GET1: variants seen among roughly 807,000 people sequenced by gnomAD.
GET1 encodes the protein guided entry of tail-anchored proteins factor 1, also known as congenital heart disease 5 protein.
GET1 carries 20 observed loss-of-function variants against 22.6 expected under a neutral mutation model. The observed-to-expected ratio is 0.89, with a 90% CI of 0.62 to 1.29. The LOEUF (loss-of-function observed/expected upper bound fraction) is 1.29, where lower values mean the gene tolerates loss of function less well. Ranked by LOEUF, GET1 falls within the 50% of genes most tolerant of loss-of-function variation. GET1 has a pLI of 0.00. For missense variants in GET1, 209 were observed against 219.9 expected (o/e 0.95, Z 0.31); for synonymous variants, 92 against 83.8 (o/e 1.10, Z -0.53).
rs369920213 is a variant in GET1 at position 39,380,421 on chromosome 21, C to G, written c.37C>G (p.Leu13Val). The change falls in exon 1 of 5, where the codon CTG (leucine) becomes GTG (valine). Residue 13 changes from leucine (L) to valine (V), a missense_variant. Physicochemically the swap from Leu to Val is conservative, Grantham distance 32. Transcript: ENST00000649170. ...CGCGGCCGACCACTGGGCGTGGTTG[C>G]TGGTGCTCAGCTTCGTGTTTGGATG... ...SAAADHWAWL[L>V]VLSFVFGCNV... 2.3e-5 allele frequency: 37 copies of G among 1,612,542 alleles called. No homozygotes were observed. Among genetic ancestry groups the G allele is most frequent in the Non-Finnish European group, 3.1e-5 (37 of 1,179,378 alleles).
At chr21:39,421,147 G>T (rs1284745199) in intron 1 of GET1, among the ~76,000 whole-genome samples, 1 of 148,686 alleles carries the variant, frequency 6.7e-6, no homozygotes, top group Non-Finnish European at 1.5e-5. Flanking sequence ...CTGTTGCCCA[G>T]GCTGGAATGC....
In GET1 at chr21:39,390,868, T is replaced by C. The variant is rs749350264; in HGVS notation, c.268+5T>C. 2 of 1,613,958 alleles carry C rather than the reference T, an allele frequency of 1.2e-6. No individual in the cohort carries two copies. The highest frequency in any genetic ancestry group is 1.7e-6 in the Non-Finnish European group (2 of 1,179,908). ...CGGATAAGCTCAAAACCCATGGTACTGTGTCCCTTGCAGCCTGGAGGCTTC... is the reference window on the plus strand; with the variant it reads ...CGGATAAGCTCAAAACCCATGGTACCGTGTCCCTTGCAGCCTGGAGGCTTC... On this transcript the variant is annotated splice_donor_5th_base_variant and intron_variant, in intron 2 of 4. Coordinates refer to ENST00000649170, the MANE Select transcript of GET1 (RefSeq NM_004627.6).
At chr21:39,427,738 G>A (rs1036137108) in intron 1 of GET1, 4 of 152,572 alleles carry the variant, frequency 2.6e-5, no homozygotes, top group Non-Finnish European at 2.9e-5. Context: ...TCAAAAGATG[G>A]TGTTTGCCAA....
chr21:39,410,113 C>T, downstream of GET1: 1 of 1,533,488 alleles, frequency 6.5e-7, no homozygotes, highest in East Asian at 2.3e-5. Context: ...TTTAGAAAAG[C>T]AGCAAAAACA....
At chr21:39,406,614 T>C (rs1261782060) in exon 5 of GET1, 5 of 1,560,438 alleles carry the variant, frequency 3.2e-6, no homozygotes, top group Non-Finnish European at 4.3e-6. Flanking sequence ...CTGATAAATC[T>C]ATATTAGAAA....
chr21:39,406,321 G>A, exon 5 of GET1: 1 of 1,614,186 alleles, frequency 6.2e-7, no homozygotes, highest in Non-Finnish European at 8.5e-7. Context: ...TTCTGTGAAT[G>A]AGTAATGTCT....
rs1057484138 is a variant in GET1, at chr21:39,397,218, A to G, written c.*279A>G. The G allele has an allele frequency of 8.8e-5, 31 of 353,360 alleles. No homozygotes were observed. The highest frequency in any genetic ancestry group is 6.3e-4 in the African/African-American group (30 of 47,248). 21.9% of individuals were successfully genotyped at this position (353,360 alleles called of 1,614,324 possible). A position where few individuals can be genotyped will look rare whatever the true frequency, so the allele number is the denominator to read the frequency against. On this transcript the variant is annotated 3_prime_UTR_variant, in exon 5 of 5. Transcript: ENST00000649170. ...ATGTGAAATGTTTAGGGACATCTCCATGCTGTCACTTGTGATTTGCCCTCT... is the reference window on the plus strand; with the variant it reads ...ATGTGAAATGTTTAGGGACATCTCCGTGCTGTCACTTGTGATTTGCCCTCT...
chr21:39,398,474 C>T (rs1471131221), downstream of GET1, among the ~76,000 whole-genome samples: 2 of 152,188 alleles, frequency 1.3e-5, no homozygotes, highest in African/African-American at 4.8e-5. Context: ...TGACAAATCT[C>T]ACTGAGGCTA....
chr21:39,405,274 G>A (rs1283854295), intron 4 of GET1, among the ~76,000 whole-genome samples: 1 of 152,114 alleles, frequency 6.6e-6, no homozygotes, highest in Non-Finnish European at 1.5e-5. Flanking sequence ...CATGCTCACT[G>A]AAGCCTCGAC....
intron 1 of GET1, among the ~76,000 whole-genome samples, chr21:39,417,173 C>T (rs1194748684): frequency 2.6e-5 from 4 of 152,164 alleles, no homozygotes; most frequent in African/African-American, 4.8e-5. Context: ...GCTGGGATTA[C>T]AGGCGCGCAC....
At chr21:39,406,279 G>A in exon 5 of GET1, 1 of 1,614,220 alleles carries the variant, frequency 6.2e-7, no homozygotes, top group Non-Finnish European at 8.5e-7. Context: ...CCCCCCTGAA[G>A]CAGGAAGCCC....
rs1283546965 is a variant in GET1 at position 39,397,540 on chromosome 21, T to TAAA, written c.*602_*604dup. ...GTTAATTTTTCATTACAGTGTTTTG[T>TAAA]AAATGTATCCACGAGACCATGATGC... On this transcript the variant is annotated 3_prime_UTR_variant, in exon 5 of 5. Transcript: ENST00000649170. The TAAA allele has an allele frequency of 1.3e-5, 2 of 152,394 alleles. No individual in the cohort carries two copies. The highest frequency in any genetic ancestry group is 2.9e-5 in the Non-Finnish European group (2 of 68,180). The allele number at this position is 152,394 out of a possible 1,614,324, so 9.4% of individuals were successfully genotyped here. A position where few individuals can be genotyped will look rare whatever the true frequency, so the allele number is the denominator to read the frequency against.
intron 1 of GET1, among the ~76,000 whole-genome samples, chr21:39,384,892 CTTG>C (rs2037787231): frequency 6.6e-6 from 1 of 152,108 alleles, no homozygotes; most frequent in Non-Finnish European, 1.5e-5. Flanking sequence ...ATTGTTAACA[CTTG>C]TTGTTAGCCA....
At position 39,380,361 on chromosome 21, in the gene GET1, C is replaced by G. The variant is rs779602911; in HGVS notation, c.-24C>G. On this transcript the variant is annotated 5_prime_UTR_variant, in exon 1 of 5. Coordinates refer to ENST00000649170, the MANE Select transcript of GET1 (RefSeq NM_004627.6). ...TCCCCATGGAGCTGCCGTAGCGGAC[C>G]CAGCACAGCCAGGAGCGTCCGGGAT... The G allele has an allele frequency of 1.9e-6, 3 of 1,582,122 alleles. No homozygotes were observed. The highest frequency in any genetic ancestry group is 2.3e-5 in the South Asian group (2 of 87,674).
downstream of GET1, chr21:39,408,615 G>C (rs1182847672): frequency 6.6e-6 from 1 of 152,412 alleles, no homozygotes; most frequent in Non-Finnish European, 1.5e-5. Context: ...GTCTGGGCCA[G>C]CTGAGGACTC....
intron 1 of GET1, among the ~76,000 whole-genome samples, chr21:39,384,663 C>T (rs918456488): frequency 3.3e-5 from 5 of 151,110 alleles, no homozygotes; most frequent in African/African-American, 1.2e-4. Flanking sequence ...CAGATTATTT[C>T]GTCACCCAGT....
intron 1 of GET1, among the ~76,000 whole-genome samples, chr21:39,386,903 G>A (rs542003326): frequency 2.6e-5 from 4 of 151,132 alleles, no homozygotes; most frequent in Non-Finnish European, 5.9e-5. Flanking sequence ...GTAGTGTGGT[G>A]GTGCCATCAT....
intron 1 of GET1, chr21:39,423,038 C>A (rs1392499871): frequency 6.2e-7 from 1 of 1,613,940 alleles, no homozygotes; most frequent in Non-Finnish European, 8.5e-7. Flanking sequence ...TGAGTGAGTT[C>A]TTCCCTTTCT....
intron 1 of GET1, chr21:39,423,389 G>A: frequency 2.5e-6 from 4 of 1,611,032 alleles, no homozygotes; most frequent in East Asian, 2.2e-5. Flanking sequence ...GAGAGTATTC[G>A]ATGAGCCATA....
Sources: allele counts gnomAD v4.1 joint callset (sites outside exome capture counted in the v4.1 genomes callset), GRCh38; gene constraint gnomAD v4.1.1; transcripts MANE v1.5; gene names NCBI Gene and HGNC (gene_info 2026-07-23, HGNC 2026-07-21).